CERK: variants seen among roughly 807,000 people sequenced by gnomAD.
CERK encodes ceramide kinase, also known as acylsphingosine kinase.
Under a neutral mutation model 63.4 loss-of-function variants are expected in CERK, and 39 were observed. That is an observed-to-expected ratio of 0.61 (90% CI 0.48 to 0.80). The LOEUF (loss-of-function observed/expected upper bound fraction) is 0.80. Ranked by LOEUF, CERK falls within the 30% of genes least tolerant of loss-of-function variation. The pLI is 0.00. For synonymous variants in CERK, 302 were observed against 280.0 expected, an observed-to-expected ratio of 1.08 and a Z score of -0.78; for missense variants, 670 against 714.1, an observed-to-expected ratio of 0.94 and a Z score of 0.70.
chr22:46,710,359 G>C (rs146578221), intron 5 of CERK, among the ~76,000 whole-genome samples: 2 of 151,966 alleles, frequency 1.3e-5, no homozygotes, highest in African/African-American at 2.4e-5. Flanking sequence ...ATTTGGACTT[G>C]GGAGGCCGAA....
chr22:46,730,752 C>T (rs989664271), intron 1 of CERK, among the ~76,000 whole-genome samples: 2 of 152,198 alleles, frequency 1.3e-5, no homozygotes, highest in African/African-American at 4.8e-5. Flanking sequence ...AGAGAAAAGG[C>T]AGCTGTTCAG....
At position 46,687,175 on chromosome 22, in the gene CERK, G is replaced by T; in HGVS notation, c.1573C>A (p.Arg525=). The T allele has an allele frequency of 1.9e-6, 3 of 1,614,084 alleles. No individual in the cohort carries two copies. The highest frequency in any genetic ancestry group is 1.6e-4 in the Middle Eastern group (1 of 6,062). ...GGCTTCGGATTCTCTTCAATTCCTC[G>T]TGCAAAGAGTCGAACCAGCTGGCAG... ...VHCQLVRLFA[R]GIEENPKPDS... is the part of the protein sequence containing the mutation. The change falls in exon 13 of 13, where the codon CGA becomes AGA. Residue 525 remains arginine (R), a synonymous_variant. Transcript: ENST00000216264.
intron 1 of CERK, among the ~76,000 whole-genome samples, chr22:46,734,702 C>T (rs1463776565): frequency 1.3e-5 from 2 of 152,130 alleles, no homozygotes; most frequent in African/African-American, 2.4e-5. Context: ...GAATTAGTAG[C>T]GTGGAAAACA....
chr22:46,699,275 C>G (rs5767329), intron 8 of CERK, 38 bp downstream of exon 8: 88,380 of 1,605,960 alleles, frequency 0.055, 5,829 homozygotes, highest in East Asian at 0.34. Context: ...AGTCGGGGCA[C>G]GACCAGCGGG....
rs2082839529 is a variant in CERK, at chr22:46,711,218, T to C, written c.506-69A>G. 4 of 1,197,522 alleles carry C rather than the reference T, an allele frequency of 3.3e-6. No homozygotes were observed. In the East Asian group the frequency reaches 7.0e-5, roughly 21 times the overall value. 74.2% of individuals were successfully genotyped at this position (1,197,522 alleles called of 1,614,324 possible). On this transcript the variant is annotated intron_variant, in intron 4 of 12. Transcript: ENST00000216264. ...GAGTCCTCACGTAAAAGGCAAATCA[T>C]CCATTCTTTTAAAATGAGTTCCTGT... is the stretch of plus-strand genomic sequence containing the variant.
At chr22:46,728,951 T>C (rs187310124) in intron 1 of CERK, among the ~76,000 whole-genome samples, 94 of 152,308 alleles carry the variant, frequency 6.2e-4, no homozygotes, top group African/African-American at 2.2e-3. Context: ...GCCTCACTCC[T>C]GAGGGGCCAA....
At chr22:46,693,335 G>C (rs2082740876) in intron 10 of CERK, 92 bp downstream of exon 10, 1 of 1,008,616 alleles carries the variant, frequency 9.9e-7, no homozygotes, top group Non-Finnish European at 1.6e-6. Context: ...AGCACAGGTG[G>C]GCAGGGAGAA....
intron 7 of CERK, 47 bp from the exon 8 acceptor site, chr22:46,699,512 C>T (rs6007953): frequency 1.6e-5 from 25 of 1,600,524 alleles, no homozygotes; most frequent in African/African-American, 8.0e-5. Context: ...CCTCCAGCCC[C>T]GCCCCATCCA....
intron 6 of CERK, among the ~76,000 whole-genome samples, chr22:46,704,602 A>C (rs2082804011): frequency 6.6e-6 from 1 of 152,120 alleles, no homozygotes; most frequent in African/African-American, 2.4e-5. Context: ...CGAGGTGGGC[A>C]GATCACGAGG....
intron 6 of CERK, among the ~76,000 whole-genome samples, chr22:46,704,405 A>C (rs1050396223): frequency 6.6e-6 from 1 of 152,244 alleles, no homozygotes; most frequent in Non-Finnish European, 1.5e-5. Context: ...AATGCAGAAA[A>C]ACAGAATTCA....
In CERK at chr22:46,720,930, C is replaced by G. The variant is rs865887194; in HGVS notation, c.228G>C (p.Gln76His). The G allele has an allele frequency of 6.2e-7, 1 of 1,612,372 alleles. No homozygotes were observed. The highest frequency in any genetic ancestry group is 8.5e-7 in the Non-Finnish European group (1 of 1,178,494). ...TAAAAGCGTAAGGCTTTTCCATTTT[C>G]TGCCATTTTCCACTGCCTTGATGTT... ...HGKHQGSGKWQKMEKPYAFTV... is the reference protein window; with the variant it reads ...HGKHQGSGKWHKMEKPYAFTV... The change falls in exon 2 of 13, where the codon CAG (glutamine) becomes CAC (histidine). Residue 76 changes from glutamine (Q) to histidine (H), a missense_variant. By Grantham distance (24) the Gln-to-His change is conservative. Coordinates refer to ENST00000216264, the MANE Select transcript of CERK (RefSeq NM_022766.6).
chr22:46,738,168 CG>C lies in CERK; in HGVS notation c.-21del. The C allele has an allele frequency of 8.6e-7, 1 of 1,159,522 alleles. No homozygotes were observed. Among genetic ancestry groups the C allele is most frequent in the South Asian group, 3.2e-5 (1 of 31,572 alleles). The allele number at this position is 1,159,522 out of a possible 1,614,324, so 71.8% of individuals were successfully genotyped here. ...CCCCATCTCCGCCGCCGGGCTCGTC[CG>C]CCAGGCTGGGGGCGCGCGGACGCCG... is the stretch of plus-strand genomic sequence containing the variant. On this transcript the variant is annotated 5_prime_UTR_variant, in exon 1 of 13. Transcript: ENST00000216264.
At chr22:46,708,021 G>A in intron 5 of CERK, 33 bp from the exon 6 acceptor site, 1 of 1,574,518 alleles carries the variant, frequency 6.4e-7, no homozygotes, top group African/African-American at 1.3e-5. Context: ...CAGGGCTCCT[G>A]CAGGTGCGGC....
chr22:46,698,630 G>T (rs964140948), intron 8 of CERK, among the ~76,000 whole-genome samples: 11 of 152,088 alleles, frequency 7.2e-5, no homozygotes, highest in Admixed American at 3.9e-4. Flanking sequence ...GTTGCTCATG[G>T]TTGTAATCCC....
intron 3 of CERK, among the ~76,000 whole-genome samples, chr22:46,716,160 G>C (rs922962933): frequency 6.6e-6 from 1 of 151,742 alleles, no homozygotes; most frequent in South Asian, 2.1e-4. Context: ...ACTGCACTCC[G>C]GCCTGGGTGG....
Position 46,687,187 on chromosome 22 carries a change from G to C in CERK, c.1561C>G (p.Arg521Gly). 1 of 1,614,072 alleles carries C rather than the reference G, an allele frequency of 6.2e-7. No individual in the cohort carries two copies. The highest frequency in any genetic ancestry group is 8.5e-7 in the Non-Finnish European group (1 of 1,180,012). Residue 521 changes from arginine to glycine, a missense_variant, in exon 13 of 13, where the codon CGA (arginine) becomes GGA (glycine). Coordinates refer to ENST00000216264, the MANE Select transcript of CERK (RefSeq NM_022766.6). Reference sequence around the variant, plus strand: ...TCTTCAATTCCTCGTGCAAAGAGTCGAACCAGCTGGCAGTGGACTCTGCAG... The same window carrying C: ...TCTTCAATTCCTCGTGCAAAGAGTCCAACCAGCTGGCAGTGGACTCTGCAG... The part of the protein sequence containing the change: ...IEVRVHCQLV[R>G]LFARGIEENP...
intron 6 of CERK, among the ~76,000 whole-genome samples, chr22:46,704,146 A>G (rs1432074056): frequency 6.6e-6 from 1 of 152,216 alleles, no homozygotes; most frequent in Non-Finnish European, 1.5e-5. Flanking sequence ...CAAGGCCTAG[A>G]GGAGGGCAGG....
In CERK at chr22:46,730,256, A is replaced by T. The variant is rs1167248607; in HGVS notation, c.142+7751T>A. On this transcript the variant is annotated intron_variant, in intron 1 of 12. Coordinates refer to ENST00000216264, the MANE Select transcript of CERK (RefSeq NM_022766.6). ...AACATGGCAAATCCCTGTCTCTACT[A>T]AAAAAAAAAAAAAAAATAGCCAGGC... Among the ~76,000 whole-genome samples, 4 of 37,094 alleles carry T rather than the reference A, an allele frequency of 1.1e-4. No homozygotes were observed. The East Asian group carries it at 2.5e-3, about 23-fold the overall frequency. The allele number at this position is 37,094 out of a possible 152,430, so 24.3% of individuals were successfully genotyped here.
At chr22:46,698,202 G>GA (rs759919582) in intron 8 of CERK, among the ~76,000 whole-genome samples, 4 of 152,278 alleles carry the variant, frequency 2.6e-5, no homozygotes, top group Non-Finnish European at 5.9e-5. Context: ...AAGTGGGGCA[G>GA]GAGCACCTGC....
Sources: allele counts gnomAD v4.1 joint callset (sites outside exome capture counted in the v4.1 genomes callset), GRCh38; gene constraint gnomAD v4.1.1; transcripts MANE v1.5; gene names NCBI Gene and HGNC (gene_info 2026-07-23, HGNC 2026-07-21).